XYLT2: variants seen among roughly 807,000 people sequenced by gnomAD.
XYLT2 encodes the protein UDP-D-xylose:proteoglycan core protein beta-D-xylosyltransferase.
XYLT2 carries 37 observed loss-of-function variants against 82.6 expected under a neutral mutation model. That is an observed-to-expected ratio of 0.45 (90% CI 0.34 to 0.59). The LOEUF (loss-of-function observed/expected upper bound fraction) is 0.59. Among genes scored for constraint, XYLT2 ranks in the 20% least tolerant of loss-of-function variants. The pLI is 0.01. For synonymous variants in XYLT2, 474 were observed against 499.0 expected, an observed-to-expected ratio of 0.95 and a Z score of 0.67; for missense variants, 934 against 1,181.3, an observed-to-expected ratio of 0.79 and a Z score of 3.07.
Position 50,356,617 on chromosome 17 carries a change from C to T in XYLT2, c.1589C>T (p.Thr530Met), listed in dbSNP as rs376833027. Residue 530 changes from threonine (T) to methionine (M), a missense_variant, in exon 8 of 11, where the codon ACG becomes ATG. By Grantham distance (81) the Thr-to-Met change is moderately conservative (BLOSUM62 -1). Around this residue, in one of 3 missense-constraint regions of XYLT2, gnomAD observed 374 missense variants for 465.6 expected, o/e 0.80. Coordinates refer to ENST00000017003, the MANE Select transcript of XYLT2 (RefSeq NM_022167.4). ...FHLYGSYPPG[T>M]PALKAYWENT... ...CTGTATGGCAGCTACCCCCCCGGCACGCCAGCCCTCAAGGCCTACTGGGAG... is the reference window on the plus strand; with the variant it reads ...CTGTATGGCAGCTACCCCCCCGGCATGCCAGCCCTCAAGGCCTACTGGGAG... The T allele has an allele frequency of 6.8e-6, 11 of 1,614,032 alleles. No homozygotes were observed. Among genetic ancestry groups the T allele is most frequent in the African/African-American group, 2.7e-5 (2 of 74,926 alleles).
Position 50,346,880 on chromosome 17 carries a change from GGTTT to G in XYLT2, c.135+607_135+610del, listed in dbSNP as rs1912065198. On this transcript the variant is annotated intron_variant, in intron 1 of 10. Coordinates refer to ENST00000017003, the MANE Select transcript of XYLT2 (RefSeq NM_022167.4). The surrounding 1 kb of genome is among the most constrained non-coding windows in gnomAD (Gnocchi z 5.1). ...CCGAGGTGTGGCTTCCTCAGCCGGGGGTTTGAAGAACCTGGATGGGTCTCCGGAG... is the reference window on the plus strand; with the variant it reads ...CCGAGGTGTGGCTTCCTCAGCCGGGGGAAGAACCTGGATGGGTCTCCGGAG... 3.0e-6 allele frequency: 3 copies of G among 985,410 alleles called. No homozygotes were observed. Among genetic ancestry groups the G allele is most frequent in the Non-Finnish European group, 3.6e-6 (3 of 829,912 alleles). 61.0% of individuals were successfully genotyped at this position (985,410 alleles called of 1,614,324 possible). A position where few individuals can be genotyped will look rare whatever the true frequency, so the allele number is the denominator to read the frequency against.
intron 6 of XYLT2, 42 bp downstream of exon 6, chr17:50,356,039 T>C: frequency 6.2e-7 from 1 of 1,614,022 alleles, no homozygotes; most frequent in Non-Finnish European, 8.5e-7. Context: ...AGGGCGTGGG[T>C]TGGGCTGCCT....
At chr17:50,352,427 C>G (rs748512451) in intron 1 of XYLT2, among the ~76,000 whole-genome samples, 3 of 152,228 alleles carry the variant, frequency 2.0e-5, no homozygotes, top group Non-Finnish European at 2.9e-5. Flanking sequence ...GCTGACATGT[C>G]TCTCATCAAG....
rs1364807870 is a variant in XYLT2, at chr17:50,346,704, G to A, written c.135+429G>A. The A allele has an allele frequency of 1.0e-6, 1 of 985,280 alleles. No homozygotes were observed. The highest frequency in any genetic ancestry group is 1.7e-5 in the African/African-American group (1 of 57,240). 61.0% of individuals were successfully genotyped at this position (985,280 alleles called of 1,614,324 possible). On this transcript the variant is annotated intron_variant, in intron 1 of 10. Coordinates refer to ENST00000017003, the MANE Select transcript of XYLT2 (RefSeq NM_022167.4). This position sits in a 1 kb window ranked among gnomAD's most constrained non-coding sequence, Gnocchi z 5.1. ...GCCGTGGGCGGAGGAGTAGGGCCAA[G>A]GGACTCAGGGCGTCCTTCCCCAGCT... is the stretch of plus-strand genomic sequence containing the variant.
chr17:50,357,327 C>A, intron 9 of XYLT2, 75 bp downstream of exon 9: 2 of 1,398,054 alleles, frequency 1.4e-6, no homozygotes, highest in Non-Finnish European at 1.9e-6. Context: ...GGGACAGACA[C>A]CAAGGGAGGG....
chr17:50,359,649 T>G (rs1912715235), intron 10 of XYLT2: 1 of 312,994 alleles, frequency 3.2e-6, no homozygotes, highest in Non-Finnish European at 5.9e-6. Context: ...AGTACAGGCT[T>G]CTGAGGGCTC....
At chr17:50,359,735 C>T in intron 10 of XYLT2, 1 of 555,358 alleles carries the variant, frequency 1.8e-6, no homozygotes, top group Non-Finnish European at 3.2e-6. Flanking sequence ...GTGCCTTGAA[C>T]CCACTGCTTT....
rs779219337 is a variant in XYLT2 at position 50,355,592 on chromosome 17, G to T, written c.1088+11G>T. ...CCGGGACAACTCCAGGTGAGGGGGT[G>T]GGGAAGGAGGCCCTGGCCCCAGAGT... On this transcript the variant is annotated intron_variant, in intron 5 of 10. Coordinates refer to ENST00000017003, the MANE Select transcript of XYLT2 (RefSeq NM_022167.4). 6.2e-7 allele frequency: 1 copy of T among 1,613,974 alleles called. No homozygotes were observed. Among genetic ancestry groups the T allele is most frequent in the Admixed American group, 1.7e-5 (1 of 60,016 alleles).
At position 50,355,489 on chromosome 17, in the gene XYLT2, T is replaced by C; in HGVS notation, c.1008-12T>C. 6.2e-7 allele frequency: 1 copy of C among 1,613,970 alleles called. No individual in the cohort carries two copies. Among genetic ancestry groups the C allele is most frequent in the Non-Finnish European group, 8.5e-7 (1 of 1,179,914 alleles). On this transcript the variant is annotated splice_polypyrimidine_tract_variant and intron_variant, in intron 4 of 10. Transcript: ENST00000017003. The stretch of plus-strand genomic sequence containing the variant: ...TCTCATGTGGCTGCCTGTCACCCCA[T>C]TCCTTCACCAGGACCAATGAGGAGC...
intron 1 of XYLT2, among the ~76,000 whole-genome samples, chr17:50,350,182 C>CAAAA (rs34760778): frequency 5.4e-5 from 1 of 18,554 alleles, no homozygotes; most frequent in African/African-American, 1.7e-4. Flanking sequence ...GACTGCGTCT[C>CAAAA]AAAAAAAAAA....
In XYLT2 at chr17:50,356,271, C is replaced by T. The variant is rs777619157; in HGVS notation, c.1482+10C>T. On this transcript the variant is annotated intron_variant, in intron 7 of 10. Transcript: ENST00000017003. ...CTTCCTCCGGCTGCAGGTGCTTGCC[C>T]GAGGCCCCAAGGCCCCTGGCTAGGT... is the stretch of plus-strand genomic sequence containing the variant. 38 of 1,611,518 alleles carry T rather than the reference C, an allele frequency of 2.4e-5. No homozygotes were observed. The highest frequency in any genetic ancestry group is 8.3e-5 in the Admixed American group (5 of 59,964).
chr17:50,350,136 T>TTG (rs1912196675), intron 1 of XYLT2, among the ~76,000 whole-genome samples: 6 of 128,530 alleles, frequency 4.7e-5, no homozygotes, highest in Admixed American at 3.0e-4. Flanking sequence ...TGAGCTGAGA[T>TTG]CACGCTACTG....
chr17:50,346,619 T>C lies in XYLT2; in HGVS notation c.135+344T>C, dbSNP rs1234987785. 1 of 985,054 alleles carries C rather than the reference T, an allele frequency of 1.0e-6. No homozygotes were observed. The allele number at this position is 985,054 out of a possible 1,614,324, so 61.0% of individuals were successfully genotyped here. ...GAGGCGGGGCTGGGCCCGAACCTGC[T>C]CGGAGGTGGGGAGCCCCAGGCCAAA... On this transcript the variant is annotated intron_variant, in intron 1 of 10. Transcript: ENST00000017003. This position sits in a 1 kb window ranked among gnomAD's most constrained non-coding sequence, Gnocchi z 5.1.
chr17:50,351,892 C>G (rs1912286090), intron 1 of XYLT2, among the ~76,000 whole-genome samples: 2 of 152,088 alleles, frequency 1.3e-5, no homozygotes, highest in Admixed American at 1.3e-4. Flanking sequence ...AGTTCAGAAA[C>G]CCAGAGACTG....
Position 50,346,532 on chromosome 17 carries a change from TC to T in XYLT2, c.135+258del. The T allele has an allele frequency of 1.1e-6, 1 of 913,906 alleles. No individual in the cohort carries two copies. The highest frequency in any genetic ancestry group is 1.3e-6 in the Non-Finnish European group (1 of 764,898). 56.6% of individuals were successfully genotyped at this position (913,906 alleles called of 1,614,324 possible). A position where few individuals can be genotyped will look rare whatever the true frequency, so the allele number is the denominator to read the frequency against. Reference sequence around the variant, plus strand: ...TTGGGAGTCGGGCGGGGGGAGCAGGTCATGCTAGGGTGGTCTCCGGCCAAGG... The same window carrying T: ...TTGGGAGTCGGGCGGGGGGAGCAGGTATGCTAGGGTGGTCTCCGGCCAAGG... On this transcript the variant is annotated intron_variant, in intron 1 of 10. Coordinates refer to ENST00000017003, the MANE Select transcript of XYLT2 (RefSeq NM_022167.4). The surrounding 1 kb of genome is among the most constrained non-coding windows in gnomAD (Gnocchi z 5.1).
rs1330981566 is a variant in XYLT2, at chr17:50,355,967, G to A, written c.1275G>A (p.Gln425=). The A allele has an allele frequency of 6.2e-7, 1 of 1,614,140 alleles. No individual in the cohort carries two copies. The highest frequency in any genetic ancestry group is 8.5e-7 in the Non-Finnish European group (1 of 1,180,050). Residue 425 remains glutamine (Q), a synonymous_variant, in exon 6 of 11, where the codon CAG becomes CAA. Transcript: ENST00000017003. ...TDDPLVAQLR[Q]FYTYTLLPAE... is the part of the protein sequence containing the mutation. ...ACCCGCTTGTGGCCCAGCTGCGCCA[G>A]TTCTACACATACACACTGCTCCCAG...
chr17:50,347,105 G>A (rs1316781061), intron 1 of XYLT2, among the ~76,000 whole-genome samples: 2 of 152,174 alleles, frequency 1.3e-5, no homozygotes, highest in Non-Finnish European at 2.9e-5. Flanking sequence ...GTTTCAGCGG[G>A]AGGCTCAGAC....
rs759538361 is a variant in XYLT2 at position 50,355,552 on chromosome 17, C to T, written c.1059C>T (p.Phe353=). ...TATCCAAGAACCGGGACAAGAATTT[C>T]CTCAAGTCACATGGCCGGGACAACT... ...AFLSKNRDKN[F]LKSHGRDNSR... Residue 353 remains phenylalanine (F), a synonymous_variant, in exon 5 of 11, where the codon TTC becomes TTT. Coordinates refer to ENST00000017003, the MANE Select transcript of XYLT2 (RefSeq NM_022167.4). 1.9e-6 allele frequency: 3 copies of T among 1,614,190 alleles called. No individual in the cohort carries two copies. The highest frequency in any genetic ancestry group is 2.5e-6 in the Non-Finnish European group (3 of 1,180,030).
In XYLT2 at chr17:50,356,780, C is replaced by T. The variant is rs768166375; in HGVS notation, c.1745+7C>T. On this transcript the variant is annotated splice_region_variant and intron_variant, in intron 8 of 10. Transcript: ENST00000017003. The stretch of plus-strand genomic sequence containing the variant: ...TGGGCACCCCACTCTGCAGGTGAGA[C>T]CCCCTTCTGACATACAGCAGGCCCT... 1 of 1,597,542 alleles carries T rather than the reference C, an allele frequency of 6.3e-7. No homozygotes were observed. Among genetic ancestry groups the T allele is most frequent in the Non-Finnish European group, 8.5e-7 (1 of 1,176,862 alleles).
Sources: gnomAD v4.1 joint callset for allele counts (sites outside exome capture counted in the v4.1 genomes callset) on GRCh38, gnomAD v4.1.1 for gene constraint, gnomAD v4.1.1 regional missense constraint, Gnocchi (gnomAD v3.1) non-coding constraint, MANE v1.5 for transcripts, NCBI Gene and HGNC (gene_info 2026-07-23, HGNC 2026-07-21) for gene names.